The following LGR5 variants were observed in gnomAD, a reference collection of about 807,000 sequenced individuals.
LGR5 encodes leucine-rich repeat-containing G protein-coupled receptor 5.
In LGR5, 54 loss-of-function variants were observed where a neutral mutation model predicts 76.7. The ratio of observed to expected loss-of-function variants is 0.70; its 90% CI spans 0.57 to 0.88. LGR5 has a LOEUF of 0.88. Among genes scored for constraint, LGR5 ranks in the 40% least tolerant of loss-of-function variants. LGR5 has a pLI of 0.00. For missense variants in LGR5, 1,078 were observed against 1,073.3 expected (o/e 1.00, Z -0.06); for synonymous variants, 406 against 421.9 (o/e 0.96, Z 0.46).
chr12:71,575,173 A>G (rs1266315889), intron 13 of LGR5, among the ~76,000 whole-genome samples: 1 of 152,156 alleles, frequency 6.6e-6, no homozygotes, highest in African/African-American at 2.4e-5. Flanking sequence ...GATAATACCT[A>G]CCTCTTAGGG....
chr12:71,487,153 T>A (rs185422374), intron 1 of LGR5, among the ~76,000 whole-genome samples: 34 of 152,342 alleles, frequency 2.2e-4, no homozygotes, highest in African/African-American at 6.3e-4. Context: ...GTCATGGTTA[T>A]TTTTTGTCAT....
chr12:71,558,275 C>T (rs1877876846), intron 6 of LGR5, among the ~76,000 whole-genome samples: 1 of 152,156 alleles, frequency 6.6e-6, no homozygotes, highest in Admixed American at 6.5e-5. Flanking sequence ...ACAAGATGGG[C>T]TTTGATGGGT....
At chr12:71,551,490 T>C (rs2137406864) in intron 4 of LGR5, among the ~76,000 whole-genome samples, 1 of 152,322 alleles carries the variant, frequency 6.6e-6, no homozygotes, top group South Asian at 2.1e-4. Context: ...AATACAACTC[T>C]TCTTTTTTTT....
chr12:71,509,816 C>T (rs1875056295), intron 2 of LGR5, among the ~76,000 whole-genome samples: 1 of 152,120 alleles, frequency 6.6e-6, no homozygotes, highest in African/African-American at 2.4e-5. Context: ...AGAAAAGAAA[C>T]ATGAGAAGCT....
chr12:71,450,305 T>C (rs1872194932), intron 1 of LGR5, among the ~76,000 whole-genome samples: 1 of 152,218 alleles, frequency 6.6e-6, no homozygotes. Context: ...TCTAGATATA[T>C]ACCTGAATTT....
Position 71,535,048 on chromosome 12 carries a change from TGGCCTTGTTTA to T in LGR5, c.357-61_357-51del, listed in dbSNP as rs1381661406. The T allele has an allele frequency of 4.7e-6, 5 of 1,071,072 alleles. No individual in the cohort carries two copies. The East Asian group carries it at 1.2e-4, about 26-fold the overall frequency. The allele number at this position is 1,071,072 out of a possible 1,614,324, so 66.3% of individuals were successfully genotyped here. A position where few individuals can be genotyped will look rare whatever the true frequency, so the allele number is the denominator to read the frequency against. On this transcript the variant is annotated intron_variant, in intron 3 of 17. Transcript: ENST00000266674. The stretch of plus-strand genomic sequence containing the variant: ...TTTTTCTGACACCTGGAACAGTGCC[TGGCCTTGTTTA>T]GGCCTGTTATTGTTCATTTTTTTTA...
intron 2 of LGR5, among the ~76,000 whole-genome samples, chr12:71,517,601 G>T (rs1009240687): frequency 6.6e-6 from 1 of 152,202 alleles, no homozygotes; most frequent in African/African-American, 2.4e-5. Context: ...ACACCTAGTT[G>T]AAGGCTATGT....
chr12:71,524,136 A>G (rs926411969), intron 2 of LGR5, among the ~76,000 whole-genome samples: 3 of 152,228 alleles, frequency 2.0e-5, no homozygotes, highest in African/African-American at 7.2e-5. Context: ...TGTTTAAAGG[A>G]CAGTTTTATA....
At chr12:71,570,250 C>T (rs187823745) in intron 11 of LGR5, among the ~76,000 whole-genome samples, 1 of 152,256 alleles carries the variant, frequency 6.6e-6, no homozygotes, top group East Asian at 1.9e-4. Flanking sequence ...CAGTAGACCA[C>T]CATGGCACAC....
chr12:71,516,915 GT>G (rs1354253485), intron 2 of LGR5, among the ~76,000 whole-genome samples: 2 of 150,776 alleles, frequency 1.3e-5, no homozygotes, highest in East Asian at 2.0e-4. Context: ...AGAAAGACAA[GT>G]TTTTTTTAAT....
chr12:71,479,230 GCTAA>G (rs1873475858), intron 1 of LGR5, among the ~76,000 whole-genome samples: 1 of 152,056 alleles, frequency 6.6e-6, no homozygotes. Flanking sequence ...GTGCATTTTA[GCTAA>G]CTGTTTAAAG....
chr12:71,580,992 TC>T (rs1565780367), intron 16 of LGR5, among the ~76,000 whole-genome samples: 1 of 152,168 alleles, frequency 6.6e-6, no homozygotes, highest in African/African-American at 2.4e-5. Context: ...ATAATTAGAT[TC>T]CCCCTTAGCA....
chr12:71,457,488 G>A (rs915503319), intron 1 of LGR5, among the ~76,000 whole-genome samples: 4 of 152,138 alleles, frequency 2.6e-5, no homozygotes, highest in Admixed American at 2.6e-4. Flanking sequence ...GTAATGCTGG[G>A]AGCTAAATAC....
At position 71,584,911 on chromosome 12, in the gene LGR5, A is replaced by C. The variant is rs1196910908; in HGVS notation, c.*177A>C. The C allele has an allele frequency of 4.8e-6, 3 of 619,278 alleles. No individual in the cohort carries two copies. The African/African-American group carries it at 5.5e-5, about 11-fold the overall frequency. 38.4% of individuals were successfully genotyped at this position (619,278 alleles called of 1,614,324 possible). A position where few individuals can be genotyped will look rare whatever the true frequency, so the allele number is the denominator to read the frequency against. On this transcript the variant is annotated 3_prime_UTR_variant, in exon 18 of 18. Coordinates refer to ENST00000266674, the MANE Select transcript of LGR5 (RefSeq NM_003667.4). ...CTCTTGATACTTGAGAGTGAATATA[A>C]GTCTAAATGCTGCTTTGTATAATTT... is the stretch of plus-strand genomic sequence containing the variant.
chr12:71,567,277 A>AGCG, intron 11 of LGR5: 1 of 235,304 alleles, frequency 4.2e-6, no homozygotes, highest in Non-Finnish European at 8.5e-6. Context: ...TGCCAAAATC[A>AGCG]AAAACTGAGA....
At chr12:71,550,137 T>G (rs1877400658) in intron 4 of LGR5, among the ~76,000 whole-genome samples, 1 of 152,288 alleles carries the variant, frequency 6.6e-6, no homozygotes, top group East Asian at 1.9e-4. Context: ...TGCAATGAAC[T>G]TTTTTGTCAT....
At chr12:71,492,905 G>T (rs1009696188) in intron 1 of LGR5, among the ~76,000 whole-genome samples, 1 of 150,958 alleles carries the variant, frequency 6.6e-6, no homozygotes, top group Non-Finnish European at 1.5e-5. Context: ...TTGTTCTAAA[G>T]TTCTCTAAAA....
At chr12:71,482,238 A>G (rs947210330) in intron 1 of LGR5, among the ~76,000 whole-genome samples, 9 of 152,200 alleles carry the variant, frequency 5.9e-5, no homozygotes, top group Non-Finnish European at 7.4e-5. Flanking sequence ...CAATGTATGT[A>G]TTAGTTTGCT....
At chr12:71,472,488 C>T (rs1174699252) in intron 1 of LGR5, among the ~76,000 whole-genome samples, 3 of 152,158 alleles carry the variant, frequency 2.0e-5, no homozygotes, top group Non-Finnish European at 4.4e-5. Flanking sequence ...CAGATACATA[C>T]CCAGTAAACA....
Sources: gnomAD v4.1 joint callset for allele counts (sites outside exome capture counted in the v4.1 genomes callset) on GRCh38, gnomAD v4.1.1 for gene constraint, MANE v1.5 for transcripts, NCBI Gene and HGNC (gene_info 2026-07-23, HGNC 2026-07-21) for gene names.